MCM9: variants seen among roughly 807,000 people sequenced by gnomAD.
MCM9 encodes the protein minichromosome maintenance 9 homologous recombination repair factor, also known as DNA helicase MCM9.
A neutral mutation model predicts 72.8 loss-of-function variants in MCM9; 55 were observed. The ratio of observed to expected loss-of-function variants is 0.76; its 90% CI spans 0.61 to 0.95. MCM9 has a LOEUF of 0.95. MCM9 is among the 40% of genes least tolerant of loss of function. The pLI is 0.00. For synonymous variants in MCM9, 480 were observed against 503.4 expected, an observed-to-expected ratio of 0.95 and a Z score of 0.62; for missense variants, 1,279 against 1,377.0, an observed-to-expected ratio of 0.93 and a Z score of 1.13.
At chr6:118,856,749 T>C (rs1347430679) in intron 8 of MCM9, among the ~76,000 whole-genome samples, 1 of 152,034 alleles carries the variant, frequency 6.6e-6, no homozygotes, top group Non-Finnish European at 1.5e-5. Flanking sequence ...CACAGTGGTG[T>C]GTGCACCTGT....
In MCM9 at chr6:118,922,036, C is replaced by G. The variant is rs771912987; in HGVS notation, c.672G>C (p.Leu224=). ...TGCAACTATCCACTAAGTCATCTTC[C>G]AGAATAACCTTCATAGATCGTGGAA... ...GSIPRSMKVI[L]EDDLVDSCKS... is the part of the protein sequence containing the mutation. The change falls in exon 5 of 14, where the codon CTG becomes CTC. Residue 224 remains leucine, a synonymous_variant. Coordinates refer to ENST00000619706, the MANE Select transcript of MCM9 (RefSeq NM_017696.3). The G allele has an allele frequency of 8.1e-6, 13 of 1,612,708 alleles. No individual in the cohort carries two copies. Among genetic ancestry groups the G allele is most frequent in the Non-Finnish European group, 3.4e-6 (4 of 1,179,434 alleles).
At chr6:118,891,541 T>C (rs1405908968) in intron 8 of MCM9, among the ~76,000 whole-genome samples, 3 of 152,174 alleles carry the variant, frequency 2.0e-5, no homozygotes, top group African/African-American at 4.8e-5. Flanking sequence ...GCCACCTTTT[T>C]GCTGTGTTTC....
chr6:118,917,705 C>G lies in MCM9; in HGVS notation c.760G>C (p.Asp254His). 1 of 1,614,076 alleles carries G rather than the reference C, an allele frequency of 6.2e-7. No individual in the cohort carries two copies. The highest frequency in any genetic ancestry group is 8.5e-7 in the Non-Finnish European group (1 of 1,180,018). Residue 254 changes from aspartate to histidine, a missense_variant, in exon 6 of 14, where the codon GAT (aspartate) becomes CAT (histidine). Physicochemically the swap from Asp to His is moderately conservative, Grantham distance 81 (BLOSUM62 -1). Coordinates refer to ENST00000619706, the MANE Select transcript of MCM9 (RefSeq NM_017696.3). The part of the protein sequence containing the change: ...VMQRWKPFQQ[D>H]VRCEVEIVLK... ...ACTATCTCCACTTCACAGCGCACAT[C>G]TTGCTGAAAGGGCTTCCACCGTTGC... is the stretch of plus-strand genomic sequence containing the variant.
Position 118,907,974 on chromosome 6 carries a change from T to C in MCM9, c.1150+3676A>G, listed in dbSNP as rs115684006. On this transcript the variant is annotated intron_variant, in intron 8 of 13. Transcript: ENST00000619706. ...GACAGTCTTTGGACCACTATTTTAC[T>C]GGCCTTTGAAAGAACAAAGTTTACT... 4.8e-3 allele frequency: 786 copies of C among 164,474 alleles called. 4 individuals are homozygous for C. The highest frequency in any genetic ancestry group is 0.017 in the African/African-American group (727 of 41,866). The allele number at this position is 164,474 out of a possible 1,614,324, so 10.2% of individuals were successfully genotyped here. A position where few individuals can be genotyped will look rare whatever the true frequency, so the allele number is the denominator to read the frequency against.
intron 6 of MCM9, among the ~76,000 whole-genome samples, chr6:118,913,809 C>T (rs993554709): frequency 6.6e-6 from 1 of 152,040 alleles, no homozygotes; most frequent in Admixed American, 6.6e-5. Context: ...CACTATGTTG[C>T]CCAGGCTGGT....
intron 8 of MCM9, chr6:118,894,225 AG>A (rs1350488811): frequency 6.4e-5 from 90 of 1,415,084 alleles, no homozygotes; most frequent in Non-Finnish European, 8.2e-5. Context: ...TTAGTGAAAT[AG>A]GAAAGCTGCA....
At chr6:118,933,241 T>C (rs1713256523) in intron 1 of MCM9, among the ~76,000 whole-genome samples, 2 of 152,182 alleles carry the variant, frequency 1.3e-5, no homozygotes, top group Admixed American at 1.3e-4. Flanking sequence ...GGCTCACGCC[T>C]GTAATCCCAG....
intron 9 of MCM9, among the ~76,000 whole-genome samples, chr6:118,847,239 G>A (rs1056875404): frequency 6.6e-6 from 1 of 151,522 alleles, no homozygotes; most frequent in Admixed American, 6.6e-5. Flanking sequence ...GCTAAACAAC[G>A]GGTAGACATG....
chr6:118,843,660 A>ATATATACGTGTATATATATATGTG (rs1775600611), intron 9 of MCM9, among the ~76,000 whole-genome samples: 10 of 76,446 alleles, frequency 1.3e-4, no homozygotes, highest in South Asian at 8.6e-4. Flanking sequence ...ATATATGTGT[A>ATATATACGTGTATATATATATGTG]TATATATATG....
intron 8 of MCM9, among the ~76,000 whole-genome samples, chr6:118,893,133 C>T (rs992763449): frequency 3.9e-5 from 6 of 152,182 alleles, no homozygotes; most frequent in African/African-American, 1.4e-4. Flanking sequence ...GGTTTAGGCT[C>T]ACAAATATGT....
chr6:118,896,154 C>T (rs1479185214), intron 8 of MCM9, among the ~76,000 whole-genome samples: 1 of 150,894 alleles, frequency 6.6e-6, no homozygotes, highest in Non-Finnish European at 1.5e-5. Flanking sequence ...ATTGATAACA[C>T]TAAGGGGTAT....
chr6:118,923,171 C>A (rs1031048564), intron 4 of MCM9, among the ~76,000 whole-genome samples: 7 of 151,934 alleles, frequency 4.6e-5, no homozygotes, highest in African/African-American at 7.3e-5. Context: ...GTTTAAGCTG[C>A]GAGCAAATGA....
chr6:118,899,550 G>A (rs988553646), intron 8 of MCM9, among the ~76,000 whole-genome samples: 1 of 152,170 alleles, frequency 6.6e-6, no homozygotes, highest in African/African-American at 2.4e-5. Context: ...CCCTGCATCT[G>A]GAAGTGTGCT....
intron 8 of MCM9, among the ~76,000 whole-genome samples, chr6:118,877,606 G>A (rs551178814): frequency 5.9e-5 from 9 of 152,214 alleles, no homozygotes; most frequent in Admixed American, 4.6e-4. Flanking sequence ...GAATAATAAC[G>A]GATACAACTA....
chr6:118,832,992 T>C (rs957016717), intron 9 of MCM9, among the ~76,000 whole-genome samples: 4 of 152,208 alleles, frequency 2.6e-5, no homozygotes, highest in African/African-American at 9.7e-5. Context: ...GAAGTAAAGA[T>C]AGAAGAACAT....
intron 9 of MCM9, among the ~76,000 whole-genome samples, chr6:118,848,688 CT>C (rs1776035518): frequency 6.7e-6 from 1 of 149,210 alleles, no homozygotes; most frequent in Non-Finnish European, 1.5e-5. Flanking sequence ...CTTTGGGAGG[CT>C]GAGGCAGGCA....
chr6:118,847,422 C>CAAAAAAA (rs368957444), intron 9 of MCM9, among the ~76,000 whole-genome samples: 3 of 113,856 alleles, frequency 2.6e-5, no homozygotes, highest in African/African-American at 3.6e-5. Context: ...CATGAATCTT[C>CAAAAAAA]AAAAAAAAAA....
intron 8 of MCM9, among the ~76,000 whole-genome samples, chr6:118,904,736 G>C (rs1345519914): frequency 6.6e-6 from 1 of 152,254 alleles, no homozygotes; most frequent in African/African-American, 2.4e-5. Flanking sequence ...GTGGTTTAAA[G>C]AGCATACTAT....
At chr6:118,922,588 T>C (rs1442306967) in intron 4 of MCM9, among the ~76,000 whole-genome samples, 1 of 152,214 alleles carries the variant, frequency 6.6e-6, no homozygotes, top group East Asian at 1.9e-4. Flanking sequence ...TGAGATATCA[T>C]AAGCAGACAA....
Sources: allele counts gnomAD v4.1 joint callset (sites outside exome capture counted in the v4.1 genomes callset), GRCh38; gene constraint gnomAD v4.1.1; transcripts MANE v1.5; gene names NCBI Gene and HGNC (gene_info 2026-07-23, HGNC 2026-07-21).